Variants in RAPGEF1 observed in about 807,000 individuals in gnomAD.
RAPGEF1 encodes Rap guanine nucleotide exchange factor 1, also known as CRK SH3-binding GNRP.
RAPGEF1 carries 33 observed loss-of-function variants against 143.3 expected under a neutral mutation model. That is an observed-to-expected ratio of 0.23 (90% CI 0.17 to 0.31). RAPGEF1 has a LOEUF of 0.31. Among genes scored for constraint, RAPGEF1 ranks in the 10% least tolerant of loss-of-function variants. RAPGEF1 has a pLI of 1.00. For missense variants in RAPGEF1, 1,199 were observed against 1,645.4 expected (o/e 0.73, Z 4.69); for synonymous variants, 629 against 676.5 (o/e 0.93, Z 1.09).
In RAPGEF1 at chr9:131,619,003, G is replaced by T; in HGVS notation, c.2061+48C>A. The T allele has an allele frequency of 2.3e-6, 3 of 1,323,028 alleles. No homozygotes were observed. In the South Asian group the frequency reaches 3.6e-5, roughly 16 times the overall value. The allele number at this position is 1,323,028 out of a possible 1,614,324, so 82.0% of individuals were successfully genotyped here. On this transcript the variant is annotated intron_variant, in intron 12 of 26. Transcript: ENST00000683357. ...GCTGAGGCACACGCTTCCAAGGAAC[G>T]GCCCTGTTCACGCGTTTCCAAGTAA... is the stretch of plus-strand genomic sequence containing the variant.
At chr9:131,718,309 C>A (rs1390375810) in intron 1 of RAPGEF1, among the ~76,000 whole-genome samples, 1 of 152,154 alleles carries the variant, frequency 6.6e-6, no homozygotes, top group Non-Finnish European at 1.5e-5. Context: ...GAGTCCAGGG[C>A]GCACACAGGC....
At chr9:131,617,529 T>A (rs550201985) in intron 12 of RAPGEF1, among the ~76,000 whole-genome samples, 1 of 152,324 alleles carries the variant, frequency 6.6e-6, no homozygotes, top group South Asian at 2.1e-4. Flanking sequence ...GATAAGTCTT[T>A]AAAAGTCACT....
At chr9:131,588,061 G>T (rs756277722) in intron 20 of RAPGEF1, 35 bp from the exon 21 acceptor site, 2 of 1,570,876 alleles carry the variant, frequency 1.3e-6, no homozygotes, top group South Asian at 2.3e-5. Context: ...GCCGTCAGGG[G>T]TGGGGAGGCC....
At chr9:131,731,303 T>C (rs1402672654) in intron 1 of RAPGEF1, among the ~76,000 whole-genome samples, 1 of 152,194 alleles carries the variant, frequency 6.6e-6, no homozygotes, top group East Asian at 1.9e-4. Context: ...TTTGTATTTA[T>C]TATTGAAAGG....
chr9:131,595,282 G>A (rs545738961), intron 17 of RAPGEF1, among the ~76,000 whole-genome samples: 9 of 152,354 alleles, frequency 5.9e-5, no homozygotes, highest in Middle Eastern at 3.4e-3. Context: ...AGGGGAGGGC[G>A]GAGCAGTGGC....
chr9:131,647,327 T>A (rs150129762), intron 3 of RAPGEF1, among the ~76,000 whole-genome samples: 98 of 152,230 alleles, frequency 6.4e-4, no homozygotes, highest in African/African-American at 2.2e-3. Flanking sequence ...GTGGGAATAA[T>A]AAAAGCTTCC....
chr9:131,585,708 G>A (rs1234104713), intron 22 of RAPGEF1, among the ~76,000 whole-genome samples: 2 of 151,998 alleles, frequency 1.3e-5, no homozygotes, highest in Admixed American at 1.3e-4. Flanking sequence ...TGATCTCGGG[G>A]CCTTTAAAAC....
intron 1 of RAPGEF1, among the ~76,000 whole-genome samples, chr9:131,651,923 G>C (rs1369314003): frequency 3.3e-5 from 5 of 152,212 alleles, no homozygotes. Flanking sequence ...ACTGTACTGA[G>C]TACTGCAGGC....
intron 22 of RAPGEF1, among the ~76,000 whole-genome samples, chr9:131,585,367 G>C (rs985053462): frequency 7.4e-6 from 1 of 134,288 alleles, no homozygotes; most frequent in Non-Finnish European, 1.5e-5. Context: ...TTTGTAGGGG[G>C]GGGGCGTCTC....
intron 1 of RAPGEF1, among the ~76,000 whole-genome samples, chr9:131,738,138 C>T (rs1002093375): frequency 6.6e-6 from 1 of 151,756 alleles, no homozygotes; most frequent in African/African-American, 2.4e-5. Context: ...CAATCCGGTT[C>T]ATTTTACTTT....
intron 1 of RAPGEF1, among the ~76,000 whole-genome samples, chr9:131,731,698 G>C (rs552642688): frequency 3.2e-4 from 48 of 152,312 alleles, no homozygotes; most frequent in African/African-American, 1.2e-3. Flanking sequence ...CCCAGCCCTG[G>C]GCAAACCACA....
chr9:131,723,254 A>G (rs920138238), intron 1 of RAPGEF1, among the ~76,000 whole-genome samples: 8 of 152,350 alleles, frequency 5.3e-5, no homozygotes, highest in South Asian at 4.1e-4. Flanking sequence ...TTATGTAATT[A>G]TATAAACATT....
At chr9:131,690,869 C>A (rs768145136) in intron 1 of RAPGEF1, among the ~76,000 whole-genome samples, 2 of 152,194 alleles carry the variant, frequency 1.3e-5, no homozygotes, top group African/African-American at 2.4e-5. Flanking sequence ...TTATCAAGGT[C>A]ATTTTAAGTC....
chr9:131,591,078 C>T (rs563496612), intron 18 of RAPGEF1, among the ~76,000 whole-genome samples: 34 of 152,388 alleles, frequency 2.2e-4, no homozygotes, highest in Middle Eastern at 6.8e-3. Flanking sequence ...GTCCTTGACA[C>T]GTGTGAGTGA....
At chr9:131,604,856 T>C in intron 13 of RAPGEF1, 75 bp downstream of exon 13, 5 of 1,217,846 alleles carry the variant, frequency 4.1e-6, no homozygotes, top group Non-Finnish European at 4.2e-6. Context: ...GAAACCGCTT[T>C]TTAAAAAACG....
intron 22 of RAPGEF1, among the ~76,000 whole-genome samples, chr9:131,587,183 A>AACACAC (rs560537370): frequency 1.6e-5 from 1 of 64,472 alleles, no homozygotes; most frequent in African/African-American, 7.7e-5. Flanking sequence ...CTCCGTCTCA[A>AACACAC]ACACACACAC....
chr9:131,609,756 CCA>C (rs1957726080), intron 12 of RAPGEF1, among the ~76,000 whole-genome samples: 1 of 152,192 alleles, frequency 6.6e-6, no homozygotes, highest in Non-Finnish European at 1.5e-5. Context: ...TGGCCAGGCA[CCA>C]GTTTTTTTTC....
At chr9:131,631,641 G>A (rs1416217409) in intron 5 of RAPGEF1, among the ~76,000 whole-genome samples, 1 of 152,204 alleles carries the variant, frequency 6.6e-6, no homozygotes, top group African/African-American at 2.4e-5. Flanking sequence ...AGTAACCAGA[G>A]ACCCTGAACC....
chr9:131,737,967 CAAA>C (rs10712540), intron 1 of RAPGEF1, among the ~76,000 whole-genome samples: 11 of 137,476 alleles, frequency 8.0e-5, no homozygotes, highest in African/African-American at 1.1e-4. Flanking sequence ...GACTCCGTCT[CAAA>C]AAAAAAAAAA....
Sources: gnomAD v4.1 joint callset for allele counts (sites outside exome capture counted in the v4.1 genomes callset) on GRCh38, gnomAD v4.1.1 for gene constraint, MANE v1.5 for transcripts, NCBI Gene and HGNC (gene_info 2026-07-23, HGNC 2026-07-21) for gene names.